SEMA3C: variants seen among roughly 807,000 people sequenced by gnomAD.
The protein encoded by SEMA3C is semaphorin-3C.
SEMA3C carries 47 observed loss-of-function variants against 89.4 expected under a neutral mutation model. The ratio of observed to expected loss-of-function variants is 0.53; its 90% CI spans 0.42 to 0.67. SEMA3C has a LOEUF of 0.67. Among genes scored for constraint, SEMA3C ranks in the 30% least tolerant of loss-of-function variants. The pLI, the probability that SEMA3C is intolerant of heterozygous loss-of-function variation, is 0.00. For missense variants in SEMA3C, 839 were observed against 929.1 expected, an observed-to-expected ratio of 0.90 and a Z score of 1.26; for synonymous variants, 310 against 320.2, an observed-to-expected ratio of 0.97 and a Z score of 0.34.
At chr7:80,815,649 A>G (rs1023602001) in intron 5 of SEMA3C, among the ~76,000 whole-genome samples, 3 of 151,932 alleles carry the variant, frequency 2.0e-5, no homozygotes, top group African/African-American at 7.2e-5. Flanking sequence ...TAATACAGAA[A>G]ATGTATAATT....
chr7:80,813,810 C>T (rs1367104233), intron 5 of SEMA3C, among the ~76,000 whole-genome samples: 2 of 152,174 alleles, frequency 1.3e-5, no homozygotes, highest in Admixed American at 1.3e-4. Context: ...CGTACATCCT[C>T]ACCACCATTT....
intron 2 of SEMA3C, among the ~76,000 whole-genome samples, chr7:80,899,360 C>T (rs1328355820): frequency 6.6e-6 from 1 of 152,044 alleles, no homozygotes; most frequent in Non-Finnish European, 1.5e-5. Context: ...TTTTTCGTAA[C>T]AAATATGTTC....
At chr7:80,910,151 A>G (rs1441734663) in intron 2 of SEMA3C, among the ~76,000 whole-genome samples, 2 of 152,186 alleles carry the variant, frequency 1.3e-5, no homozygotes, top group African/African-American at 2.4e-5. Flanking sequence ...TAGTCTTGTC[A>G]ATGCCACCAT....
Position 80,751,300 on chromosome 7 carries a change from T to C in SEMA3C, c.1680A>G (p.Pro560=), listed in dbSNP as rs1408991615. 2.5e-6 allele frequency: 4 copies of C among 1,614,044 alleles called. No homozygotes were observed. Among genetic ancestry groups the C allele is most frequent in the South Asian group, 2.2e-5 (2 of 91,082 alleles). ...SRRQDVRHGN[P]LTQCRGFNLK... Reference sequence around the variant, plus strand: ...GATTAAATCCTCTGCATTGAGTCAGTGGGTTTCCATGTCTCACATCTTGTC... The same window carrying C: ...GATTAAATCCTCTGCATTGAGTCAGCGGGTTTCCATGTCTCACATCTTGTC... The change falls in exon 16 of 18, where the codon CCA becomes CCG. Residue 560 remains proline, a synonymous_variant. Transcript: ENST00000265361.
intron 2 of SEMA3C, among the ~76,000 whole-genome samples, chr7:80,886,914 G>A (rs923660796): frequency 1.3e-5 from 2 of 152,018 alleles, no homozygotes; most frequent in Admixed American, 1.3e-4. Flanking sequence ...AAGAATTAGG[G>A]TATTGCTAGG....
chr7:80,765,717 C>T, intron 12 of SEMA3C, among the ~76,000 whole-genome samples: 1 of 152,076 alleles, frequency 6.6e-6, no homozygotes, highest in South Asian at 2.1e-4. Context: ...TCTGGGATTA[C>T]AGGTGCCCGC....
At chr7:80,815,832 CA>C (rs1195079312) in intron 5 of SEMA3C, 1 of 151,946 alleles carries the variant, frequency 6.6e-6, no homozygotes, top group Non-Finnish European at 1.5e-5. Context: ...GGGTCAGGGT[CA>C]GGGGAGCTTA....
chr7:80,810,257 AG>A (rs1207195811), intron 6 of SEMA3C, among the ~76,000 whole-genome samples: 2 of 152,164 alleles, frequency 1.3e-5, no homozygotes, highest in Non-Finnish European at 2.9e-5. Flanking sequence ...TGAAAGGTAA[AG>A]AAAAAAATAC....
chr7:80,758,167 A>T (rs1317558959), intron 15 of SEMA3C, among the ~76,000 whole-genome samples, 164 bp downstream of exon 15: 1 of 152,178 alleles, frequency 6.6e-6, no homozygotes, highest in Non-Finnish European at 1.5e-5. Context: ...GTTATAACAC[A>T]TTACCATTTT....
Position 80,827,415 on chromosome 7 carries a change from T to TTTAA in SEMA3C, c.327+9_327+10insTTAA. ...GTGTTTTTTTTTTTTTTTTTTTTTTTAACACTTACTGTGGGATCTTTGCCA... is the reference window on the plus strand; with the variant it reads ...GTGTTTTTTTTTTTTTTTTTTTTTTTTTAAAACACTTACTGTGGGATCTTTGCCA... On this transcript the variant is annotated intron_variant, in intron 4 of 17. Coordinates refer to ENST00000265361, the MANE Select transcript of SEMA3C (RefSeq NM_006379.5). 6.8e-7 allele frequency: 1 copy of TTTAA among 1,471,070 alleles called. No individual in the cohort carries two copies. The highest frequency in any genetic ancestry group is 9.1e-7 in the Non-Finnish European group (1 of 1,098,570). The allele number at this position is 1,471,070 out of a possible 1,614,324, so 91.1% of individuals were successfully genotyped here.
chr7:80,903,681 C>A (rs566111395), intron 2 of SEMA3C, among the ~76,000 whole-genome samples: 7 of 151,970 alleles, frequency 4.6e-5, no homozygotes, highest in African/African-American at 1.7e-4. Flanking sequence ...AAAAATAAAT[C>A]TTATGAGACT....
At chr7:80,800,152 C>CAA (rs1215573724) in intron 10 of SEMA3C, among the ~76,000 whole-genome samples, 1 of 58,372 alleles carries the variant, frequency 1.7e-5, no homozygotes, top group African/African-American at 6.5e-5. Context: ...GACTCCATCT[C>CAA]AAAAAAAAAA....
chr7:80,825,723 G>A (rs192816127), intron 4 of SEMA3C, among the ~76,000 whole-genome samples: 42 of 152,126 alleles, frequency 2.8e-4, no homozygotes, highest in Non-Finnish European at 7.4e-5. Context: ...ATTCAGTATA[G>A]CCACGGGATA....
At chr7:80,840,266 T>C (rs2115873280) in intron 2 of SEMA3C, among the ~76,000 whole-genome samples, 1 of 152,064 alleles carries the variant, frequency 6.6e-6, no homozygotes, top group South Asian at 2.1e-4. Flanking sequence ...ATGCCTGTAA[T>C]CCGAACATTA....
At chr7:80,847,308 C>T (rs2115914936) in intron 2 of SEMA3C, 1 of 152,270 alleles carries the variant, frequency 6.6e-6, no homozygotes, top group East Asian at 1.9e-4. Flanking sequence ...CTCGAATGCT[C>T]AGTGGTGAAG....
At chr7:80,801,488 G>T (rs1340675457) in intron 9 of SEMA3C, among the ~76,000 whole-genome samples, 1 of 151,982 alleles carries the variant, frequency 6.6e-6, no homozygotes, top group Non-Finnish European at 1.5e-5. Flanking sequence ...TATGAAAGTA[G>T]ATTTCTGATA....
chr7:80,904,047 T>C (rs986735680), intron 2 of SEMA3C, among the ~76,000 whole-genome samples: 3 of 152,160 alleles, frequency 2.0e-5, no homozygotes, highest in Non-Finnish European at 4.4e-5. Flanking sequence ...CCTATTTAAT[T>C]TTATTTTATT....
intron 2 of SEMA3C, among the ~76,000 whole-genome samples, chr7:80,852,593 T>C (rs1054964497): frequency 6.6e-6 from 1 of 151,878 alleles, no homozygotes; most frequent in African/African-American, 2.4e-5. Context: ...AAAGGATTAA[T>C]TACCAGAATA....
At chr7:80,762,589 C>G (rs543264810) in intron 13 of SEMA3C, among the ~76,000 whole-genome samples, 1 of 152,068 alleles carries the variant, frequency 6.6e-6, no homozygotes, top group Admixed American at 6.6e-5. Context: ...GAGGCTGAGG[C>G]GGGCGGATCA....
Sources: gnomAD v4.1 joint callset for allele counts (sites outside exome capture counted in the v4.1 genomes callset) on GRCh38, gnomAD v4.1.1 for gene constraint, MANE v1.5 for transcripts, NCBI Gene and HGNC (gene_info 2026-07-23, HGNC 2026-07-21) for gene names.